Variants in BRCA1 observed in about 807,000 individuals in gnomAD.
BRCA1 encodes breast cancer type 1 susceptibility protein.
Under a neutral mutation model 173.7 loss-of-function variants are expected in BRCA1, and 140 were observed. The ratio of observed to expected loss-of-function variants is 0.81; its 90% CI spans 0.70 to 0.93. BRCA1 has a LOEUF of 0.93. Ranked by LOEUF, BRCA1 falls within the 40% of genes least tolerant of loss-of-function variation. The pLI is 0.00. For missense variants in BRCA1, 1,983 were observed against 2,172.5 expected, an observed-to-expected ratio of 0.91 and a Z score of 1.73; for synonymous variants, 662 against 756.0, an observed-to-expected ratio of 0.88 and a Z score of 2.04.
chr17:43,072,674 C>A (rs887405282), intron 14 of BRCA1, among the ~76,000 whole-genome samples: 6 of 150,360 alleles, frequency 4.0e-5, no homozygotes, highest in Middle Eastern at 3.4e-3. Flanking sequence ...AAGCGATTCT[C>A]CTGCCTCAGC....
At chr17:43,152,637 AAG>A (rs920394005) in intron 1 of BRCA1, among the ~76,000 whole-genome samples, 2 of 151,904 alleles carry the variant, frequency 1.3e-5, no homozygotes, top group African/African-American at 4.8e-5. Flanking sequence ...GGCGGATCAC[AAG>A]GTTAGGAGAT....
chr17:43,079,865 A>ATTCCTC, intron 12 of BRCA1: 2 of 665,580 alleles, frequency 3.0e-6, no homozygotes, highest in Non-Finnish European at 5.3e-6. Flanking sequence ...TAGCATATAA[A>ATTCCTC]TTCCTCTTCT....
In BRCA1 at chr17:43,091,796, G is replaced by A. The variant is rs1567790391; in HGVS notation, c.3735C>T (p.Ser1245=). Residue 1245 remains serine, a synonymous_variant, in exon 10 of 23, where the codon AGC becomes AGT. Transcript: ENST00000357654. The part of the protein sequence containing the change: ...NNIPSQSTRH[S]TVATECLSKN... ...TAGACAGACACTCGGTAGCAACGGT[G>A]CTATGCCTAGTAGACTGAGAAGGTA... 1 of 1,614,188 alleles carries A rather than the reference G, an allele frequency of 6.2e-7. No homozygotes were observed. The highest frequency in any genetic ancestry group is 8.5e-7 in the Non-Finnish European group (1 of 1,180,030).
intron 9 of BRCA1, among the ~76,000 whole-genome samples, chr17:43,095,356 C>T (rs563228641): frequency 6.6e-5 from 10 of 152,172 alleles, no homozygotes; most frequent in East Asian, 3.9e-4. Context: ...CTGAAGTGGG[C>T]AGACTGCTTG....
At position 43,053,615 on chromosome 17, in the gene BRCA1, C is replaced by T. The variant is rs182249140; in HGVS notation, c.5278-2498G>A. Among the ~76,000 whole-genome samples, 3 of 150,834 alleles carry T rather than the reference C, an allele frequency of 2.0e-5. No homozygotes were observed. The highest frequency in any genetic ancestry group is 2.0e-4 in the East Asian group (1 of 5,078). On this transcript the variant is annotated intron_variant, in intron 19 of 22. Coordinates refer to ENST00000357654, the MANE Select transcript of BRCA1 (RefSeq NM_007294.4). ...AGGTGGAGTGGAGCTGGTAGTGAGC[C>T]GAGACGGCGCCACTGCACTCCAGCC...
chr17:43,069,557 C>T (rs1252032284), intron 15 of BRCA1, among the ~76,000 whole-genome samples: 11 of 152,138 alleles, frequency 7.2e-5, no homozygotes, highest in Non-Finnish European at 1.3e-4. Context: ...GAATTCTGGA[C>T]GTGCAGGCAA....
At position 43,044,735 on chromosome 17, in the gene BRCA1, A is replaced by G. The variant is rs2050797631; in HGVS notation, c.*943T>C. On this transcript the variant is annotated 3_prime_UTR_variant, in exon 23 of 23. Coordinates refer to ENST00000357654, the MANE Select transcript of BRCA1 (RefSeq NM_007294.4). ...GTTCTTGAAAATCTTCTGCTGTTTT[A>G]GAACACATTCTTTAGAAATCTAGCA... is the stretch of plus-strand genomic sequence containing the variant. 4 of 501,910 alleles carry G rather than the reference A, an allele frequency of 8.0e-6. No homozygotes were observed. The highest frequency in any genetic ancestry group is 6.2e-5 in the South Asian group (4 of 64,556). 31.1% of individuals were successfully genotyped at this position (501,910 alleles called of 1,614,324 possible). A position where few individuals can be genotyped will look rare whatever the true frequency, so the allele number is the denominator to read the frequency against.
intron 18 of BRCA1, among the ~76,000 whole-genome samples, chr17:43,057,715 A>G (rs1567765118): frequency 2.0e-5 from 3 of 151,478 alleles, no homozygotes; most frequent in African/African-American, 7.3e-5. Context: ...AGGCGCCTGT[A>G]GTCCCAGCTA....
At chr17:43,061,062 T>C (rs2051728335) in intron 18 of BRCA1, among the ~76,000 whole-genome samples, 1 of 151,748 alleles carries the variant, frequency 6.6e-6, no homozygotes, top group African/African-American at 2.4e-5. Flanking sequence ...GGAGACAGAG[T>C]TTGCAGTGAG....
chr17:43,090,805 T>C, intron 11 of BRCA1, 139 bp downstream of exon 11: 1 of 847,178 alleles, frequency 1.2e-6, no homozygotes, highest in Non-Finnish European at 1.9e-6. Context: ...CAGTCTAATT[T>C]AAGGAGACAA....
chr17:43,095,487 T>C (rs943406193), intron 9 of BRCA1, among the ~76,000 whole-genome samples: 3 of 151,110 alleles, frequency 2.0e-5, no homozygotes, highest in Non-Finnish European at 4.4e-5. Context: ...GAGGCTGAAG[T>C]GGGAGGATAG....
intron 1 of BRCA1, among the ~76,000 whole-genome samples, chr17:43,143,448 G>T (rs1259241642): frequency 6.6e-6 from 1 of 152,184 alleles, no homozygotes; most frequent in Non-Finnish European, 1.5e-5. Flanking sequence ...ACACAGGGCT[G>T]CTTCCCAGTC....
chr17:43,145,316 AT>A (rs1597938349), intron 1 of BRCA1: 9 of 537,406 alleles, frequency 1.7e-5, no homozygotes, highest in East Asian at 4.3e-5. Flanking sequence ...ATTCAGAGGA[AT>A]TTTTTTTCTT....
chr17:43,118,450 C>T (rs1194705814), intron 2 of BRCA1, among the ~76,000 whole-genome samples: 6 of 151,782 alleles, frequency 4.0e-5, no homozygotes, highest in East Asian at 3.9e-4. Flanking sequence ...CATCTCGGCT[C>T]TCTGTAACCT....
chr17:43,136,359 C>T (rs1371378708), intron 1 of BRCA1, among the ~76,000 whole-genome samples: 1 of 152,156 alleles, frequency 6.6e-6, no homozygotes, highest in Non-Finnish European at 1.5e-5. Flanking sequence ...CAATACCATT[C>T]AGGACATAGG....
chr17:43,050,283 A>G, intron 20 of BRCA1: 2 of 391,718 alleles, frequency 5.1e-6, no homozygotes, highest in Non-Finnish European at 9.0e-6. Flanking sequence ...TAAGCATAAC[A>G]TTGTATTAAG....
At chr17:43,108,474 A>C (rs1035487498) in intron 3 of BRCA1, among the ~76,000 whole-genome samples, 17 of 150,992 alleles carry the variant, frequency 1.1e-4, no homozygotes, top group African/African-American at 4.1e-4. Context: ...AGGCTGAGGC[A>C]GGCAGATCAC....
chr17:43,163,698 T>A (rs1370843024), intron 1 of BRCA1: 1 of 152,188 alleles, frequency 6.6e-6, no homozygotes, highest in African/African-American at 2.4e-5. Flanking sequence ...CCAGTAAAGG[T>A]CCACCACAAT....
Position 43,091,756 on chromosome 17 carries a change from TCTC to T in BRCA1, c.3772_3774del (p.Glu1258del), listed in dbSNP as rs1057517536. On this transcript the variant is annotated inframe_deletion, in exon 10 of 23. Coordinates refer to ENST00000357654, the MANE Select transcript of BRCA1 (RefSeq NM_007294.4). ...AAGCTATTCTTCAATGATAATAAAT[TCTC>T]CTCTGTGTTCTTAGACAGACACTCG... 2 of 1,614,172 alleles carry T rather than the reference TCTC, an allele frequency of 1.2e-6. No individual in the cohort carries two copies. The highest frequency in any genetic ancestry group is 1.7e-6 in the Non-Finnish European group (2 of 1,180,026).
Sources: allele counts gnomAD v4.1 joint callset (sites outside exome capture counted in the v4.1 genomes callset), GRCh38; gene constraint gnomAD v4.1.1; transcripts MANE v1.5; gene names NCBI Gene and HGNC (gene_info 2026-07-23, HGNC 2026-07-21).